Variants in PMFBP1 observed in about 807,000 individuals in gnomAD.
The protein encoded by PMFBP1 is polyamine modulated factor 1 binding protein 1, also known as polyamine-modulated factor 1-binding protein 1.
In PMFBP1, 131 loss-of-function variants were observed where a neutral mutation model predicts 137.8. The ratio of observed to expected loss-of-function variants is 0.95; its 90% CI spans 0.82 to 1.10. The LOEUF is 1.10. PMFBP1 is among the 50% of genes least tolerant of loss of function. The probability of loss-of-function intolerance (pLI) is 0.00; values close to 1 mark genes in which losing one functional copy is unlikely to be tolerated. For missense variants in PMFBP1, 1,199 were observed against 1,175.4 expected (o/e 1.02, Z -0.29); for synonymous variants, 490 against 450.4 (o/e 1.09, Z -1.11).
the PMFBP1 span, among the ~76,000 whole-genome samples, chr16:72,229,376 C>A: frequency 6.6e-6 from 1 of 152,086 alleles, no homozygotes; most frequent in Non-Finnish European, 1.5e-5. Context: ...TAACCAGTAA[C>A]GAGATTGCTG....
At chr16:72,220,204 CT>C in the PMFBP1 span, among the ~76,000 whole-genome samples, 3 of 152,092 alleles carry the variant, frequency 2.0e-5, no homozygotes. Flanking sequence ...TAACTTCAAA[CT>C]TTTTTAAAGA....
chr16:72,242,956 G>A, the PMFBP1 span, among the ~76,000 whole-genome samples: 2 of 152,316 alleles, frequency 1.3e-5, no homozygotes, highest in East Asian at 3.9e-4. Context: ...GGTATAACAG[G>A]GTGAGATGTG....
chr16:72,170,798 AAG>A (rs2043209972), intron 2 of PMFBP1, among the ~76,000 whole-genome samples: 1 of 152,214 alleles, frequency 6.6e-6, no homozygotes, highest in Non-Finnish European at 1.5e-5. Flanking sequence ...ATTCCAGATA[AAG>A]AGAGAATGTT....
chr16:72,188,897 C>T, the PMFBP1 span, among the ~76,000 whole-genome samples: 1 of 152,180 alleles, frequency 6.6e-6, no homozygotes, highest in South Asian at 2.1e-4. Context: ...AGAGACCTGC[C>T]TTGTGCCAGG....
chr16:72,139,316 G>A lies in PMFBP1; in HGVS notation c.891C>T (p.Ser297=), dbSNP rs1424781990. 6.2e-6 allele frequency: 10 copies of A among 1,614,002 alleles called. No individual in the cohort carries two copies. The highest frequency in any genetic ancestry group is 8.5e-6 in the Non-Finnish European group (10 of 1,179,862). Residue 297 remains serine (S), a synonymous_variant, in exon 7 of 21, where the codon TCC becomes TCT. Coordinates refer to ENST00000237353, the MANE Select transcript of PMFBP1 (RefSeq NM_031293.3). ...TTTTGATGTCTTCACACTCTTCTGA[G>A]GAGCTAGGAGGGTATCTGTGGGTGG... ...CTATHRYPPS[S]SEECEDIKKI... is the part of the protein sequence containing the mutation.
the PMFBP1 span, among the ~76,000 whole-genome samples, chr16:72,205,896 T>A: frequency 6.6e-6 from 1 of 152,238 alleles, no homozygotes; most frequent in South Asian, 2.1e-4. Flanking sequence ...AGGGCCTCCA[T>A]CTCTTCCTGT....
At chr16:72,208,042 C>G in the PMFBP1 span, among the ~76,000 whole-genome samples, 1 of 152,158 alleles carries the variant, frequency 6.6e-6, no homozygotes, top group Non-Finnish European at 1.5e-5. Context: ...CCTTTTTGGT[C>G]TGAATTTTTG....
the PMFBP1 span, among the ~76,000 whole-genome samples, chr16:72,240,190 T>C: frequency 1.3e-5 from 2 of 152,196 alleles, no homozygotes; most frequent in Admixed American, 1.3e-4. Context: ...ACAAGGAGGC[T>C]GTACCTGCTA....
intron 2 of PMFBP1, among the ~76,000 whole-genome samples, chr16:72,166,905 A>T: frequency 6.6e-6 from 1 of 152,224 alleles, no homozygotes; most frequent in South Asian, 2.1e-4. Flanking sequence ...CATAGTAGAC[A>T]GGGGATAGGT....
rs1410708837 is a variant in PMFBP1, at chr16:72,124,853, T to G, written c.2503A>C (p.Met835Leu). ...WQKQHQNDLK[M>L]LAAKEEQLRE... Reference sequence around the variant, plus strand: ...AGCTGCTCCTCTTTGGCTGCCAGCATCTTGAGGTCATTCTGGTGTTGCTTC... The same window carrying G: ...AGCTGCTCCTCTTTGGCTGCCAGCAGCTTGAGGTCATTCTGGTGTTGCTTC... The change falls in exon 17 of 21, where the codon ATG becomes CTG. Residue 835 changes from methionine (M) to leucine (L), a missense_variant. Physicochemically the swap from Met to Leu is conservative, Grantham distance 15. Transcript: ENST00000237353. The G allele has an allele frequency of 1.9e-5, 31 of 1,614,092 alleles. No homozygotes were observed. Among genetic ancestry groups the G allele is most frequent in the Non-Finnish European group, 2.5e-5 (30 of 1,180,042 alleles).
At chr16:72,164,460 A>G (rs1307405032) in intron 3 of PMFBP1, 3 of 1,378,856 alleles carry the variant, frequency 2.2e-6, no homozygotes, top group Non-Finnish European at 2.9e-6. Context: ...TTGTATCACT[A>G]TGATCTGATA....
At chr16:72,229,912 A>G in the PMFBP1 span, among the ~76,000 whole-genome samples, 1 of 152,174 alleles carries the variant, frequency 6.6e-6, no homozygotes, top group Non-Finnish European at 1.5e-5. Flanking sequence ...TGACCAGTAC[A>G]AAGTAGGGCC....
intron 14 of PMFBP1, among the ~76,000 whole-genome samples, chr16:72,127,720 T>C (rs146110710): frequency 2.4e-4 from 37 of 152,316 alleles, no homozygotes; most frequent in Middle Eastern, 3.4e-3. Flanking sequence ...TAGGTCTAGA[T>C]GGTTTTATAG....
In PMFBP1 at chr16:72,123,584, C is replaced by T. The variant is rs907860638; in HGVS notation, c.2655G>A (p.Gln885=). The part of the protein sequence containing the change: ...DTCRLYRGND[Q]IMTNLEQWAK... ...CCCATTGCTCCAAGTTGGTCATAAT[C>T]TGATCATTCCCTCGGTAGAGCCTAC... Residue 885 remains glutamine, a synonymous_variant, in exon 18 of 21, where the codon CAG becomes CAA. Transcript: ENST00000237353. 5.6e-6 allele frequency: 9 copies of T among 1,614,184 alleles called. No individual in the cohort carries two copies. The highest frequency in any genetic ancestry group is 7.6e-6 in the Non-Finnish European group (9 of 1,180,000).
intron 5 of PMFBP1, among the ~76,000 whole-genome samples, chr16:72,143,303 TGGTCAA>T (rs2042751021): frequency 6.6e-6 from 1 of 152,218 alleles, no homozygotes; most frequent in Non-Finnish European, 1.5e-5. Context: ...CTAGAGATGC[TGGTCAA>T]TACGATAAGA....
In PMFBP1 at chr16:72,132,923, G is replaced by A. The variant is rs148184052; in HGVS notation, c.1272C>T (p.Leu424=). The A allele has an allele frequency of 5.6e-6, 9 of 1,614,042 alleles. No individual in the cohort carries two copies. In the East Asian group the frequency reaches 8.9e-5, roughly 16 times the overall value. Residue 424 remains leucine, a synonymous_variant, in exon 10 of 21, where the codon CTC becomes CTT. Coordinates refer to ENST00000237353, the MANE Select transcript of PMFBP1 (RefSeq NM_031293.3). ...TCTCCAGCTCCTTCTCCTTTTTCAG[G>A]AGGCTGTTCTGAACCTGTGTCAGTT... ...EKKLTQVQNS[L]LKKEKELEKQ...
Position 72,154,116 on chromosome 16 carries a change from T to G in PMFBP1, c.414+95A>C, listed in dbSNP as rs938260800. On this transcript the variant is annotated intron_variant, in intron 4 of 20. Coordinates refer to ENST00000237353, the MANE Select transcript of PMFBP1 (RefSeq NM_031293.3). ...AAACCTGCTCGGGATGTTGCAAAGCTCTCCTAAGTCCAGCGTCTGCTTTCT... is the reference window on the plus strand; with the variant it reads ...AAACCTGCTCGGGATGTTGCAAAGCGCTCCTAAGTCCAGCGTCTGCTTTCT... 2.7e-6 allele frequency: 4 copies of G among 1,479,374 alleles called. No homozygotes were observed. In the African/African-American group the frequency reaches 5.6e-5, roughly 21 times the overall value. The allele number at this position is 1,479,374 out of a possible 1,614,324, so 91.6% of individuals were successfully genotyped here.
chr16:72,117,419 T>C (rs2042319117), downstream of PMFBP1, among the ~76,000 whole-genome samples: 1 of 152,192 alleles, frequency 6.6e-6, no homozygotes, highest in Admixed American at 6.5e-5. Context: ...TGGGGTGGTC[T>C]GTAGAGTCTT....
chr16:72,137,056 C>A (rs2042643098), intron 7 of PMFBP1, among the ~76,000 whole-genome samples: 1 of 152,184 alleles, frequency 6.6e-6, no homozygotes, highest in Non-Finnish European at 1.5e-5. Flanking sequence ...TGTGAATATA[C>A]TAAAAACCAA....
Sources: gnomAD v4.1 joint callset for allele counts (sites outside exome capture counted in the v4.1 genomes callset) on GRCh38, gnomAD v4.1.1 for gene constraint, MANE v1.5 for transcripts, NCBI Gene and HGNC (gene_info 2026-07-23, HGNC 2026-07-21) for gene names.